Variants in EPN2 observed in about 807,000 individuals in gnomAD.
EPN2 encodes epsin 2, also known as epsin-2.
In EPN2, 34 loss-of-function variants were observed where a neutral mutation model predicts 61.7. The observed-to-expected ratio is 0.55, with a 90% CI of 0.42 to 0.73. The LOEUF is 0.73. Among genes scored for constraint, EPN2 ranks in the 30% least tolerant of loss-of-function variants. The pLI is 0.00. For synonymous variants in EPN2, 349 were observed against 353.6 expected, an observed-to-expected ratio of 0.99 and a Z score of 0.15; for missense variants, 714 against 839.2, an observed-to-expected ratio of 0.85 and a Z score of 1.84.
Position 19,329,565 on chromosome 17 carries a change from C to T in EPN2, c.1329C>T (p.Ser443=), listed in dbSNP as rs1303271702. The T allele has an allele frequency of 6.2e-7, 1 of 1,609,700 alleles. No homozygotes were observed. Among genetic ancestry groups the T allele is most frequent in the Non-Finnish European group, 8.5e-7 (1 of 1,176,588 alleles). The change falls in exon 9 of 11, where the codon TCC becomes TCT. Residue 443 remains serine, a synonymous_variant. Coordinates refer to ENST00000314728, the MANE Select transcript of EPN2 (RefSeq NM_014964.5). ...TTGGCTTCTGTGTCCACCCAGGGTC[C>T]TTTGAGCTCTTCAGTAATCTGAATG... ...STTKPVSVSG[S]FELFSNLNGT...
chr17:19,329,023 T>G, intron 8 of EPN2, 136 bp downstream of exon 8: 2 of 750,340 alleles, frequency 2.7e-6, no homozygotes, highest in Non-Finnish European at 4.2e-6. Flanking sequence ...CCTTTGTTCC[T>G]GATCCCCAGA....
intron 4 of EPN2, among the ~76,000 whole-genome samples, chr17:19,299,145 A>AT (rs1905345491): frequency 6.6e-6 from 1 of 152,222 alleles, no homozygotes. Context: ...AGCAGGTGCT[A>AT]TAATTTTGTA....
chr17:19,303,234 TGTCACACACACA>T (rs1295468661), intron 4 of EPN2, among the ~76,000 whole-genome samples: 1 of 152,216 alleles, frequency 6.6e-6, no homozygotes, highest in African/African-American at 2.4e-5. Context: ...ACACAGCCAC[TGTCACACACACA>T]GTCACACACC....
At chr17:19,267,689 C>T (rs180860731) in intron 1 of EPN2, among the ~76,000 whole-genome samples, 16 of 152,062 alleles carry the variant, frequency 1.1e-4, no homozygotes, top group Non-Finnish European at 2.1e-4. Flanking sequence ...ATTACAGGTG[C>T]GCATTACCAC....
In EPN2 at chr17:19,285,117, A is replaced by G. The variant is rs186674201; in HGVS notation, c.596-503A>G. ...CTCTCTTTGGATTGAGTTGGTCCCA[A>G]CCTGCCTTGACTTCCTCTGTCCCTG... On this transcript the variant is annotated intron_variant, in intron 3 of 10. Coordinates refer to ENST00000314728, the MANE Select transcript of EPN2 (RefSeq NM_014964.5). This position sits in a 1 kb window ranked among gnomAD's most constrained non-coding sequence, Gnocchi z 4.5. 3.3e-5 allele frequency among the ~76,000 whole-genome samples: 5 copies of G among 152,162 alleles called. No individual in the cohort carries two copies. The highest frequency in any genetic ancestry group is 5.9e-5 in the Non-Finnish European group (4 of 68,036).
chr17:19,292,388 G>T (rs2045474217), intron 4 of EPN2, among the ~76,000 whole-genome samples: 1 of 152,270 alleles, frequency 6.6e-6, no homozygotes, highest in African/African-American at 2.4e-5. Flanking sequence ...CAGGAATTTG[G>T]TGGGAGATGA....
chr17:19,290,294 G>GC lies in EPN2; in HGVS notation c.766+4510dup, dbSNP rs567866051. ...GGGGTGAGCAGCCCACATGTTACCCGCCCCCCGGGCTCTTTCCACCATTTC... is the reference window on the plus strand; with the variant it reads ...GGGGTGAGCAGCCCACATGTTACCCGCCCCCCCGGGCTCTTTCCACCATTTC... On this transcript the variant is annotated intron_variant, in intron 4 of 10. Transcript: ENST00000314728. 1.4e-4 allele frequency among the ~76,000 whole-genome samples: 22 copies of GC among 152,256 alleles called. No homozygotes were observed. The South Asian group carries it at 4.1e-3, about 29-fold the overall frequency.
Position 19,261,917 on chromosome 17 carries a change from G to C in EPN2, c.-293-20038G>C, listed in dbSNP as rs183166733. On this transcript the variant is annotated intron_variant, in intron 1 of 10. Transcript: ENST00000314728. ...TTAACAGTTTTATTGGCTGGGAGTGGTGGCTCACACCTGTAATCCCAGGAC... is the reference window on the plus strand; with the variant it reads ...TTAACAGTTTTATTGGCTGGGAGTGCTGGCTCACACCTGTAATCCCAGGAC... 2.6e-5 allele frequency among the ~76,000 whole-genome samples: 4 copies of C among 152,334 alleles called. No individual in the cohort carries two copies. In the East Asian group the frequency reaches 5.8e-4, roughly 22 times the overall value.
intron 1 of EPN2, chr17:19,273,980 A>G (rs139850478): frequency 1.3e-5 from 2 of 152,366 alleles, no homozygotes; most frequent in Admixed American, 6.5e-5. Context: ...TGGTTTGGTC[A>G]TGTGGTCTGT....
intron 4 of EPN2, 136 bp from the exon 5 acceptor site, chr17:19,309,744 TTCCTC>T: frequency 1.5e-6 from 1 of 668,016 alleles, no homozygotes; most frequent in South Asian, 1.7e-5. Flanking sequence ...AGCCTTTCCT[TTCCTC>T]TGCCTGCATT....
At position 19,313,130 on chromosome 17, in the gene EPN2, C is replaced by A; in HGVS notation, c.998C>A (p.Thr333Lys). The A allele has an allele frequency of 3.1e-6, 5 of 1,613,832 alleles. No homozygotes were observed. The highest frequency in any genetic ancestry group is 3.4e-6 in the Non-Finnish European group (4 of 1,179,868). ...KEHGSLPQQTTLLDLMDALPS... is the reference protein window; with the variant it reads ...KEHGSLPQQTKLLDLMDALPS... ...CATGGCTCTCTCCCACAGCAGACTA[C>A]GCTGTTGGATTTAATGGATGCTCTC... is the stretch of plus-strand genomic sequence containing the variant. Residue 333 changes from threonine to lysine, a missense_variant, in exon 7 of 11, where the codon ACG becomes AAG. Around this residue, in one of 2 missense-constraint regions of EPN2, gnomAD observed 410 missense variants for 421.8 expected, o/e 0.97. Transcript: ENST00000314728.
rs1203022422 is a variant in EPN2, at chr17:19,251,723, T to G, written c.-294+14192T>G. On this transcript the variant is annotated intron_variant, in intron 1 of 10. Transcript: ENST00000314728. ...TGTTGGGATTACAGGCGTGAGCCAC[T>G]GCACCCGGCCAGGTAGTTGAGTGTT... Among the ~76,000 whole-genome samples the G allele has an allele frequency of 4.9e-4, 75 of 152,160 alleles. 1 individual carries two copies. Among genetic ancestry groups the G allele is most frequent in the Admixed American group, 4.9e-3 (75 of 15,258 alleles).
At chr17:19,310,571 C>CTTTTTTTTTTTTTTTTTTTTTTT (rs71155391) in intron 5 of EPN2, among the ~76,000 whole-genome samples, 1 of 80,910 alleles carries the variant, frequency 1.2e-5, no homozygotes, top group Admixed American at 1.9e-4. Flanking sequence ...CTCCTTCTTT[C>CTTTTTTTTTTTTTTTTTTTTTTT]TTTTTTTTTT....
chr17:19,285,872 A>G lies in EPN2; in HGVS notation c.766+82A>G, dbSNP rs1470184879. On this transcript the variant is annotated intron_variant, in intron 4 of 10. Transcript: ENST00000314728. This position sits in a 1 kb window ranked among gnomAD's most constrained non-coding sequence, Gnocchi z 4.5. ...TGTGCTTGCCATGCCAGTACAGCCA[A>G]CTCTCTCCCTGTCTCCTCTGGGCCT... The G allele has an allele frequency of 5.6e-6, 8 of 1,428,880 alleles. No homozygotes were observed. Among genetic ancestry groups the G allele is most frequent in the South Asian group, 1.5e-5 (1 of 66,674 alleles). The allele number at this position is 1,428,880 out of a possible 1,614,324, so 88.5% of individuals were successfully genotyped here. A position where few individuals can be genotyped will look rare whatever the true frequency, so the allele number is the denominator to read the frequency against.
At chr17:19,238,271 C>T (rs997714662) in intron 1 of EPN2, among the ~76,000 whole-genome samples, 3 of 152,256 alleles carry the variant, frequency 2.0e-5, no homozygotes, top group East Asian at 1.9e-4. Context: ...GGTCTGGCCT[C>T]TTCCAGGAGA....
intron 7 of EPN2, among the ~76,000 whole-genome samples, chr17:19,321,451 T>G (rs2152236143): frequency 6.6e-6 from 1 of 152,296 alleles, no homozygotes; most frequent in Non-Finnish European, 1.5e-5. Context: ...CTTTGCAGAT[T>G]GACTTTAACC....
At chr17:19,315,468 A>G (rs1456583364) in intron 7 of EPN2, among the ~76,000 whole-genome samples, 1 of 152,026 alleles carries the variant, frequency 6.6e-6, no homozygotes. Context: ...TAAGAACTTG[A>G]GATAAAATTC....
At chr17:19,255,084 A>G (rs2045059444) in intron 1 of EPN2, among the ~76,000 whole-genome samples, 2 of 152,140 alleles carry the variant, frequency 1.3e-5, no homozygotes, top group African/African-American at 2.4e-5. Flanking sequence ...CTCAAGGGCT[A>G]CTTCTGTGGA....
At chr17:19,299,875 A>C (rs1488058611) in intron 4 of EPN2, among the ~76,000 whole-genome samples, 1 of 152,210 alleles carries the variant, frequency 6.6e-6, no homozygotes, top group African/African-American at 2.4e-5. Context: ...CCAGTGTTGC[A>C]GAGGGGTAGT....
Sources: gnomAD v4.1 joint callset for allele counts (sites outside exome capture counted in the v4.1 genomes callset) on GRCh38, gnomAD v4.1.1 for gene constraint, gnomAD v4.1.1 regional missense constraint, Gnocchi (gnomAD v3.1) non-coding constraint, MANE v1.5 for transcripts, NCBI Gene and HGNC (gene_info 2026-07-23, HGNC 2026-07-21) for gene names.